The following NCAM2 variants were observed in gnomAD, a reference collection of about 807,000 sequenced individuals.
NCAM2 encodes the protein neural cell adhesion molecule 2.
Under a neutral mutation model 98.1 loss-of-function variants are expected in NCAM2, and 30 were observed. That is an observed-to-expected ratio of 0.31 (90% CI 0.23 to 0.41). The LOEUF (loss-of-function observed/expected upper bound fraction) is 0.41, where lower values mean the gene tolerates loss of function less well. Ranked by LOEUF, NCAM2 falls within the 10% of genes least tolerant of loss-of-function variation. NCAM2 has a pLI of 1.00. For synonymous variants in NCAM2, 368 were observed against 342.4 expected, an observed-to-expected ratio of 1.07 and a Z score of -0.83; for missense variants, 867 against 1,005.8, an observed-to-expected ratio of 0.86 and a Z score of 1.87.
chr21:21,157,375 C>T (rs2067647255), intron 1 of NCAM2, among the ~76,000 whole-genome samples: 1 of 152,088 alleles, frequency 6.6e-6, no homozygotes, highest in African/African-American at 2.4e-5. Flanking sequence ...ATATTTGGCA[C>T]ATGATATTAT....
At chr21:21,446,131 C>T (rs1313657054) in intron 12 of NCAM2, among the ~76,000 whole-genome samples, 2 of 152,084 alleles carry the variant, frequency 1.3e-5, no homozygotes, top group Admixed American at 1.3e-4. Flanking sequence ...ATTGAAAATG[C>T]TTTTCTTTAA....
At chr21:21,484,004 C>T (rs1421007230) in intron 15 of NCAM2, among the ~76,000 whole-genome samples, 2 of 151,988 alleles carry the variant, frequency 1.3e-5, no homozygotes, top group Admixed American at 6.6e-5. Flanking sequence ...GAAAAAATTA[C>T]CATCAAACAT....
At chr21:21,394,534 G>A (rs1403786868) in intron 9 of NCAM2, among the ~76,000 whole-genome samples, 2 of 122,310 alleles carry the variant, frequency 1.6e-5, no homozygotes, top group East Asian at 5.1e-4. Flanking sequence ...TGTTGCCCAG[G>A]CTGGACTGCA....
intron 14 of NCAM2, among the ~76,000 whole-genome samples, chr21:21,469,974 A>G (rs1424961492): frequency 2.6e-5 from 4 of 152,030 alleles, no homozygotes; most frequent in Non-Finnish European, 5.9e-5. Context: ...CAGGCTTTCC[A>G]TGCAGATTGT....
chr21:21,352,253 A>T (rs2075362130), intron 8 of NCAM2, among the ~76,000 whole-genome samples: 1 of 151,612 alleles, frequency 6.6e-6, no homozygotes, highest in East Asian at 1.9e-4. Flanking sequence ...TTTCTATTTT[A>T]CTTTATTTTA....
intron 16 of NCAM2, among the ~76,000 whole-genome samples, chr21:21,517,347 C>T (rs1383518216): frequency 1.3e-5 from 2 of 152,114 alleles, no homozygotes; most frequent in African/African-American, 4.8e-5. Flanking sequence ...AAATTACAAG[C>T]TCATTGATTA....
chr21:21,535,037 T>G (rs1361000787), intron 17 of NCAM2, among the ~76,000 whole-genome samples: 1 of 152,150 alleles, frequency 6.6e-6, no homozygotes, highest in Non-Finnish European at 1.5e-5. Flanking sequence ...GTCATCGCTT[T>G]GAATATAAAT....
intron 1 of NCAM2, among the ~76,000 whole-genome samples, chr21:21,183,841 A>G (rs1270970438): frequency 3.3e-5 from 5 of 152,144 alleles, no homozygotes; most frequent in Admixed American, 1.3e-4. Context: ...TAGTAAGGCT[A>G]CATTGGAAAA....
chr21:21,463,272 C>T (rs185483617), intron 12 of NCAM2, among the ~76,000 whole-genome samples: 1 of 152,170 alleles, frequency 6.6e-6, no homozygotes, highest in East Asian at 1.9e-4. Context: ...TTTGCCTCCT[C>T]CAAATCTTTT....
chr21:21,099,268 T>TAG (rs2066188710), intron 1 of NCAM2, among the ~76,000 whole-genome samples: 2 of 151,840 alleles, frequency 1.3e-5, no homozygotes, highest in Admixed American at 6.6e-5. Context: ...TGATTATTGG[T>TAG]TTTGGTGTCA....
chr21:21,110,358 AC>A (rs1228091593), intron 1 of NCAM2, among the ~76,000 whole-genome samples: 1 of 151,884 alleles, frequency 6.6e-6, no homozygotes, highest in African/African-American at 2.4e-5. Context: ...ACTCCTTGAT[AC>A]CTTCCAGGCC....
chr21:21,106,332 A>T (rs1601385527), intron 1 of NCAM2, among the ~76,000 whole-genome samples: 1 of 150,888 alleles, frequency 6.6e-6, no homozygotes, highest in Non-Finnish European at 1.5e-5. Flanking sequence ...AAAAAAAAGG[A>T]ACAGCCAAAT....
chr21:21,488,282 A>AC (rs1555907166), intron 15 of NCAM2, among the ~76,000 whole-genome samples: 1 of 151,756 alleles, frequency 6.6e-6, no homozygotes, highest in African/African-American at 2.4e-5. Flanking sequence ...AACCATTATA[A>AC]TTAATTATAA....
At chr21:21,519,504 T>C (rs576863016) in intron 16 of NCAM2, among the ~76,000 whole-genome samples, 1 of 151,970 alleles carries the variant, frequency 6.6e-6, no homozygotes, top group East Asian at 1.9e-4. Context: ...CTTCATGATG[T>C]TGTTTGGTTG....
At chr21:21,384,629 A>G (rs985902535) in intron 9 of NCAM2, among the ~76,000 whole-genome samples, 1 of 151,964 alleles carries the variant, frequency 6.6e-6, no homozygotes, top group Non-Finnish European at 1.5e-5. Context: ...CCTCTTCACT[A>G]TTGTAGATAC....
intron 1 of NCAM2, among the ~76,000 whole-genome samples, chr21:21,168,701 C>A (rs1381782591): frequency 6.6e-6 from 1 of 152,106 alleles, no homozygotes; most frequent in Non-Finnish European, 1.5e-5. Context: ...TATATTAATA[C>A]TTTCCAAAAT....
chr21:21,482,617 C>G (rs1319260047), intron 15 of NCAM2, among the ~76,000 whole-genome samples: 1 of 151,716 alleles, frequency 6.6e-6, no homozygotes, highest in African/African-American at 2.4e-5. Flanking sequence ...ATTTGTTGGA[C>G]TAAAGCACTA....
chr21:21,512,350 C>A lies in NCAM2; in HGVS notation c.2282+3295C>A, dbSNP rs555924794. ...CCAGTACCATTTATTGATGAGACTTCCCTATCTCCAATGTCTTGGCAGCTA... is the reference window on the plus strand; with the variant it reads ...CCAGTACCATTTATTGATGAGACTTACCTATCTCCAATGTCTTGGCAGCTA... On this transcript the variant is annotated intron_variant, in intron 16 of 17. Coordinates refer to ENST00000400546, the MANE Select transcript of NCAM2 (RefSeq NM_004540.5). 3.3e-5 allele frequency among the ~76,000 whole-genome samples: 5 copies of A among 151,992 alleles called. No homozygotes were observed. The South Asian group carries it at 1.0e-3, about 31-fold the overall frequency.
At chr21:21,099,382 A>C (rs184286928) in intron 1 of NCAM2, among the ~76,000 whole-genome samples, 5 of 152,014 alleles carry the variant, frequency 3.3e-5, no homozygotes, top group Admixed American at 3.3e-4. Context: ...TAGGTAATTT[A>C]TAAGGAAGAG....
Sources: allele counts gnomAD v4.1 joint callset (sites outside exome capture counted in the v4.1 genomes callset), GRCh38; gene constraint gnomAD v4.1.1; transcripts MANE v1.5; gene names NCBI Gene and HGNC (gene_info 2026-07-23, HGNC 2026-07-21).